Variants in FBXO45 observed in about 807,000 individuals in gnomAD.
FBXO45 encodes F-box protein 45, also known as F-box/SPRY domain-containing protein 1.
Under a neutral mutation model 25.5 loss-of-function variants are expected in FBXO45, and 3 were observed. That is an observed-to-expected ratio of 0.12 (90% CI 0.05 to 0.30). FBXO45 has a LOEUF of 0.30. Ranked by LOEUF, FBXO45 falls within the 10% of genes least tolerant of loss-of-function variation. The probability of loss-of-function intolerance (pLI) is 1.00; values close to 1 mark genes in which losing one functional copy is unlikely to be tolerated. For missense variants in FBXO45, 219 were observed against 365.0 expected, an observed-to-expected ratio of 0.60 and a Z score of 3.26; for synonymous variants, 155 against 149.8, an observed-to-expected ratio of 1.03 and a Z score of -0.25.
chr3:196,569,419 G>A lies in FBXO45; in HGVS notation c.318+117G>A. 2 of 1,004,980 alleles carry A rather than the reference G, an allele frequency of 2.0e-6. No individual in the cohort carries two copies. Among genetic ancestry groups the A allele is most frequent in the Non-Finnish European group, 2.8e-6 (2 of 707,148 alleles). 62.3% of individuals were successfully genotyped at this position (1,004,980 alleles called of 1,614,324 possible). A position where few individuals can be genotyped will look rare whatever the true frequency, so the allele number is the denominator to read the frequency against. On this transcript the variant is annotated intron_variant, in intron 1 of 2. Coordinates refer to ENST00000311630, the MANE Select transcript of FBXO45 (RefSeq NM_001105573.2). This position sits in a 1 kb window ranked among gnomAD's most constrained non-coding sequence, Gnocchi z 4.1. ...TCGCCTCACCAGCCCGCCTTTCCAC[G>A]GCTCCAGTCAGTATCTTCCTCACCT...
Position 196,568,913 on chromosome 3 carries a change from G to T in FBXO45, c.-72G>T. 1.0e-6 allele frequency: 1 copy of T among 975,472 alleles called. No individual in the cohort carries two copies. Among genetic ancestry groups the T allele is most frequent in the Non-Finnish European group, 1.2e-6 (1 of 819,332 alleles). 60.4% of individuals were successfully genotyped at this position (975,472 alleles called of 1,614,324 possible). A position where few individuals can be genotyped will look rare whatever the true frequency, so the allele number is the denominator to read the frequency against. On this transcript the variant is annotated 5_prime_UTR_variant, in exon 1 of 3. Transcript: ENST00000311630. ...CGAGCCGCTCCGGTCTCCGGGCGAGGCTTGGCCTTCCGAGCAGAGACGGCG... is the reference window on the plus strand; with the variant it reads ...CGAGCCGCTCCGGTCTCCGGGCGAGTCTTGGCCTTCCGAGCAGAGACGGCG...
rs1272546588 is a variant in FBXO45 at position 196,584,062 on chromosome 3, G to A, written c.676-71G>A. The A allele has an allele frequency of 7.1e-7, 1 of 1,416,202 alleles. No homozygotes were observed. Among genetic ancestry groups the A allele is most frequent in the East Asian group, 2.3e-5 (1 of 43,312 alleles). 87.7% of individuals were successfully genotyped at this position (1,416,202 alleles called of 1,614,324 possible). A position where few individuals can be genotyped will look rare whatever the true frequency, so the allele number is the denominator to read the frequency against. ...ATATTCTTAATATTTTCAACTTCTT[G>A]ATTTGTGTCTTGTTTCTTCTAGCTA... On this transcript the variant is annotated intron_variant, in intron 2 of 2. Coordinates refer to ENST00000311630, the MANE Select transcript of FBXO45 (RefSeq NM_001105573.2). This position sits in a 1 kb window ranked among gnomAD's most constrained non-coding sequence, Gnocchi z 4.3.
chr3:196,581,849 G>A (rs183250083), intron 2 of FBXO45, among the ~76,000 whole-genome samples: 1 of 152,142 alleles, frequency 6.6e-6, no homozygotes, highest in Admixed American at 6.5e-5. Context: ...AGGTTTTCTT[G>A]TTTTAGTAGG....
In FBXO45 at chr3:196,585,163, A is replaced by G. The variant is rs1209476097; in HGVS notation, c.*845A>G. On this transcript the variant is annotated 3_prime_UTR_variant, in exon 3 of 3. Transcript: ENST00000311630. ...CTAAAGATTGAAGGAAGGCAAATCTATTTCTAATTATACATATATCAGTAA... is the reference window on the plus strand; with the variant it reads ...CTAAAGATTGAAGGAAGGCAAATCTGTTTCTAATTATACATATATCAGTAA... 1 of 152,224 alleles carries G rather than the reference A, an allele frequency of 6.6e-6. No homozygotes were observed. Among genetic ancestry groups the G allele is most frequent in the Non-Finnish European group, 1.5e-5 (1 of 68,026 alleles). The allele number at this position is 152,224 out of a possible 1,614,324, so 9.4% of individuals were successfully genotyped here. A position where few individuals can be genotyped will look rare whatever the true frequency, so the allele number is the denominator to read the frequency against.
Position 196,584,428 on chromosome 3 carries a change from C to T in FBXO45, c.*110C>T. 1.0e-6 allele frequency: 1 copy of T among 960,892 alleles called. No homozygotes were observed. The highest frequency in any genetic ancestry group is 1.5e-6 in the Non-Finnish European group (1 of 666,500). The allele number at this position is 960,892 out of a possible 1,614,324, so 59.5% of individuals were successfully genotyped here. On this transcript the variant is annotated 3_prime_UTR_variant, in exon 3 of 3. Coordinates refer to ENST00000311630, the MANE Select transcript of FBXO45 (RefSeq NM_001105573.2). This position sits in a 1 kb window ranked among gnomAD's most constrained non-coding sequence, Gnocchi z 4.3. ...ATGTCCAAGAAACATCCTGAAAACACATGAAGTCGTAAACTGGAGAAGCAG... is the reference window on the plus strand; with the variant it reads ...ATGTCCAAGAAACATCCTGAAAACATATGAAGTCGTAAACTGGAGAAGCAG...
At position 196,586,648 on chromosome 3, in the gene FBXO45, A is replaced by T. The variant is rs912244737; in HGVS notation, c.*2330A>T. 3 of 152,210 alleles carry T rather than the reference A, an allele frequency of 2.0e-5. No individual in the cohort carries two copies. Among genetic ancestry groups the T allele is most frequent in the African/African-American group, 7.2e-5 (3 of 41,434 alleles). The allele number at this position is 152,210 out of a possible 1,614,324, so 9.4% of individuals were successfully genotyped here. On this transcript the variant is annotated 3_prime_UTR_variant, in exon 3 of 3. Transcript: ENST00000311630. ...TGAGGAGAGCATTTCGGTAGAAGACAGTTGCGCCTGAAGATTGAGTGTAAA... is the reference window on the plus strand; with the variant it reads ...TGAGGAGAGCATTTCGGTAGAAGACTGTTGCGCCTGAAGATTGAGTGTAAA...
At chr3:196,579,014 A>G (rs1212292243) in intron 2 of FBXO45, among the ~76,000 whole-genome samples, 3 of 152,204 alleles carry the variant, frequency 2.0e-5, no homozygotes, top group Non-Finnish European at 4.4e-5. Context: ...TGTGGATTCA[A>G]AGCCCCTGGA....
At chr3:196,583,316 G>T (rs1736048584) in intron 2 of FBXO45, among the ~76,000 whole-genome samples, 1 of 152,044 alleles carries the variant, frequency 6.6e-6, no homozygotes, top group Non-Finnish European at 1.5e-5. Context: ...GACCATCCTG[G>T]CTAACACGGT....
Position 196,586,326 on chromosome 3 carries a change from T to A in FBXO45, c.*2008T>A, listed in dbSNP as rs760175636. 2 of 152,228 alleles carry A rather than the reference T, an allele frequency of 1.3e-5. No individual in the cohort carries two copies. Among genetic ancestry groups the A allele is most frequent in the Non-Finnish European group, 1.5e-5 (1 of 68,032 alleles). The allele number at this position is 152,228 out of a possible 1,614,324, so 9.4% of individuals were successfully genotyped here. A position where few individuals can be genotyped will look rare whatever the true frequency, so the allele number is the denominator to read the frequency against. ...GTCTCTTTTGTCTTGTTAGTAAACA[T>A]TCATTTGCAACAGTTTTGAAGGTGC... On this transcript the variant is annotated 3_prime_UTR_variant, in exon 3 of 3. Coordinates refer to ENST00000311630, the MANE Select transcript of FBXO45 (RefSeq NM_001105573.2).
At chr3:196,583,505 C>CA (rs36064486) in intron 2 of FBXO45, among the ~76,000 whole-genome samples, 2,683 of 64,798 alleles carry the variant, frequency 0.041, 39 homozygotes, top group Non-Finnish European at 0.051. Flanking sequence ...GACTCCGTCT[C>CA]AAAAAAAAAA....
At chr3:196,583,377 G>A (rs1439395343) in intron 2 of FBXO45, among the ~76,000 whole-genome samples, 1 of 151,850 alleles carries the variant, frequency 6.6e-6, no homozygotes, top group Non-Finnish European at 1.5e-5. Context: ...GTGGTGGCGG[G>A]CACCTGTAGT....
At chr3:196,576,998 T>C (rs1208054873) in intron 1 of FBXO45, among the ~76,000 whole-genome samples, 1 of 152,230 alleles carries the variant, frequency 6.6e-6, no homozygotes, top group Non-Finnish European at 1.5e-5. Flanking sequence ...GAAAATAGTT[T>C]GATGAACTTC....
At chr3:196,580,213 T>TC (rs1448174089) in intron 2 of FBXO45, among the ~76,000 whole-genome samples, 11 of 151,328 alleles carry the variant, frequency 7.3e-5, no homozygotes, top group South Asian at 2.1e-4. Context: ...TTTTTTTTTT[T>TC]TCTCCTTTTG....
chr3:196,585,774 A>G lies in FBXO45; in HGVS notation c.*1456A>G, dbSNP rs1736094133. On this transcript the variant is annotated 3_prime_UTR_variant, in exon 3 of 3. Coordinates refer to ENST00000311630, the MANE Select transcript of FBXO45 (RefSeq NM_001105573.2). ...ATAAATTGTATGGTTTTAGATACAT[A>G]AGAATTGACAAAAGCGAGCGAAATC... 6.6e-6 allele frequency: 1 copy of G among 152,262 alleles called. No individual in the cohort carries two copies. The highest frequency in any genetic ancestry group is 1.5e-5 in the Non-Finnish European group (1 of 68,046). The allele number at this position is 152,262 out of a possible 1,614,324, so 9.4% of individuals were successfully genotyped here. A position where few individuals can be genotyped will look rare whatever the true frequency, so the allele number is the denominator to read the frequency against.
chr3:196,571,268 C>A (rs1351095873), intron 1 of FBXO45, among the ~76,000 whole-genome samples: 1 of 151,964 alleles, frequency 6.6e-6, no homozygotes, highest in Admixed American at 6.6e-5. Flanking sequence ...ACTCTGTCGC[C>A]CAGGCTGCAG....
intron 2 of FBXO45, among the ~76,000 whole-genome samples, chr3:196,580,971 G>C (rs1201405800): frequency 4.6e-5 from 7 of 151,780 alleles, no homozygotes; most frequent in Non-Finnish European, 1.0e-4. Flanking sequence ...ATTTTTTGTA[G>C]AGACAGGGTT....
At chr3:196,583,711 A>G (rs1736056808) in intron 2 of FBXO45, among the ~76,000 whole-genome samples, 1 of 151,432 alleles carries the variant, frequency 6.6e-6, no homozygotes, top group Non-Finnish European at 1.5e-5. Context: ...TGTAGATTCC[A>G]TGTGAGTCTT....
At chr3:196,573,708 G>A (rs1735865894) in intron 1 of FBXO45, among the ~76,000 whole-genome samples, 1 of 151,262 alleles carries the variant, frequency 6.6e-6, no homozygotes, top group Non-Finnish European at 1.5e-5. Flanking sequence ...ACAGGAAAGT[G>A]GAGTTTATTA....
At chr3:196,583,363 G>A (rs1221256885) in intron 2 of FBXO45, among the ~76,000 whole-genome samples, 11 of 152,090 alleles carry the variant, frequency 7.2e-5, no homozygotes, top group African/African-American at 1.7e-4. Context: ...AAAATTAGCC[G>A]GGCGTGGTGG....
Sources: allele counts gnomAD v4.1 joint callset (sites outside exome capture counted in the v4.1 genomes callset), GRCh38; gene constraint gnomAD v4.1.1; non-coding constraint Gnocchi (gnomAD v3.1); transcripts MANE v1.5; gene names NCBI Gene and HGNC (gene_info 2026-07-23, HGNC 2026-07-21).